The following MAGI2 variants were observed in gnomAD, a reference collection of about 807,000 sequenced individuals.
The protein encoded by MAGI2 is membrane-associated guanylate kinase, WW and PDZ domain-containing protein 2.
In MAGI2, 35 loss-of-function variants were observed where a neutral mutation model predicts 133.3. The ratio of observed to expected loss-of-function variants is 0.26; its 90% CI spans 0.20 to 0.35. MAGI2 has a LOEUF of 0.35. Ranked by LOEUF, MAGI2 falls within the 10% of genes least tolerant of loss-of-function variation. The pLI, the probability that MAGI2 is intolerant of heterozygous loss-of-function variation, is 1.00. For missense variants in MAGI2, 1,636 were observed against 1,863.4 expected (o/e 0.88, Z 2.25); for synonymous variants, 729 against 710.6 (o/e 1.03, Z -0.41).
chr7:79,273,451 T>C (rs571302166), intron 1 of MAGI2, among the ~76,000 whole-genome samples: 6 of 152,224 alleles, frequency 3.9e-5, no homozygotes, highest in South Asian at 4.1e-4. Context: ...AATAGAAGTA[T>C]ATAAAGTTTC....
In MAGI2 at chr7:78,489,796, T is replaced by C; in HGVS notation, c.1010A>G (p.Lys337Arg). ...TTSWLDPRLAKKAKPPEECKE... is the reference protein window; with the variant it reads ...TTSWLDPRLARKAKPPEECKE... ...GCACTCTTCTGGAGGTTTAGCCTTT[T>C]TCGCAAGTCGTGGATCCAGCCATGA... Residue 337 changes from lysine to arginine, a missense_variant, in exon 6 of 22, where the codon AAA (lysine) becomes AGA (arginine). Lys to Arg is a conservative substitution (Grantham distance 26, BLOSUM62 2). Coordinates refer to ENST00000354212, the MANE Select transcript of MAGI2 (RefSeq NM_012301.4). 1.9e-6 allele frequency: 3 copies of C among 1,613,112 alleles called. No individual in the cohort carries two copies. The highest frequency in any genetic ancestry group is 2.5e-6 in the Non-Finnish European group (3 of 1,179,352).
intron 9 of MAGI2, among the ~76,000 whole-genome samples, chr7:78,331,203 A>T (rs1789156225): frequency 6.6e-6 from 1 of 152,214 alleles, no homozygotes; most frequent in South Asian, 2.1e-4. Context: ...GACACTAGGG[A>T]CTACTAGAGT....
chr7:79,162,232 G>A (rs1304633288), intron 1 of MAGI2, among the ~76,000 whole-genome samples: 1 of 151,922 alleles, frequency 6.6e-6, no homozygotes, highest in Admixed American at 6.6e-5. Context: ...GTGGCCTAAC[G>A]GAATGGGTTC....
intron 2 of MAGI2, among the ~76,000 whole-genome samples, chr7:78,778,704 G>C (rs1040584506): frequency 6.6e-6 from 1 of 152,108 alleles, no homozygotes; most frequent in African/African-American, 2.4e-5. Context: ...CCTTAGTTTT[G>C]AATCAAATTC....
chr7:78,382,835 C>T (rs1450635841), intron 6 of MAGI2, among the ~76,000 whole-genome samples: 2 of 151,942 alleles, frequency 1.3e-5, no homozygotes, highest in South Asian at 2.1e-4. Flanking sequence ...TTTTTAGCTC[C>T]CACATATAAC....
At chr7:79,151,035 G>C (rs1406367889) in intron 1 of MAGI2, among the ~76,000 whole-genome samples, 1 of 151,706 alleles carries the variant, frequency 6.6e-6, no homozygotes, top group African/African-American at 2.4e-5. Context: ...GTTTTTCTGA[G>C]ATGACCAGGC....
chr7:78,742,169 G>A (rs1420589997), intron 2 of MAGI2, among the ~76,000 whole-genome samples: 1 of 151,916 alleles, frequency 6.6e-6, no homozygotes, highest in Non-Finnish European at 1.5e-5. Flanking sequence ...ATAAAAACAA[G>A]CCTTTTAATT....
intron 1 of MAGI2, among the ~76,000 whole-genome samples, chr7:79,355,100 A>G (rs1841935260): frequency 6.6e-6 from 1 of 152,166 alleles, no homozygotes; most frequent in Non-Finnish European, 1.5e-5. Flanking sequence ...AGTGCCTTCC[A>G]TACCTCTCAC....
rs138416604 is a variant in MAGI2 at position 79,291,104 on chromosome 7, A to C, written c.301+161916T>G. 5.8e-4 allele frequency among the ~76,000 whole-genome samples: 74 copies of C among 126,550 alleles called. 1 individual carries two copies. The highest frequency in any genetic ancestry group is 2.3e-3 in the African/African-American group (66 of 28,574). The allele number at this position is 126,550 out of a possible 152,430, so 83.0% of individuals were successfully genotyped here. Reference sequence around the variant, plus strand: ...TCCACTTTTCCAGTCCTTGGCAAATACTAATGTACTTTTTGTCTCTGTGGA... The same window carrying C: ...TCCACTTTTCCAGTCCTTGGCAAATCCTAATGTACTTTTTGTCTCTGTGGA... On this transcript the variant is annotated intron_variant, in intron 1 of 21. Transcript: ENST00000354212.
At chr7:78,819,416 A>T (rs1483703923) in intron 2 of MAGI2, among the ~76,000 whole-genome samples, 1 of 152,106 alleles carries the variant, frequency 6.6e-6, no homozygotes, top group Non-Finnish European at 1.5e-5. Flanking sequence ...AGGGCATGGA[A>T]TTTATATCTT....
chr7:78,997,248 C>T (rs1806396364), intron 2 of MAGI2, among the ~76,000 whole-genome samples: 1 of 152,070 alleles, frequency 6.6e-6, no homozygotes, highest in Non-Finnish European at 1.5e-5. Flanking sequence ...AAGATAACAG[C>T]TTAGAAGAGA....
chr7:78,809,142 C>G (rs1410952120), intron 2 of MAGI2, among the ~76,000 whole-genome samples: 1 of 152,138 alleles, frequency 6.6e-6, no homozygotes, highest in Non-Finnish European at 1.5e-5. Flanking sequence ...TATGGACTTG[C>G]AATATAACAC....
intron 1 of MAGI2, among the ~76,000 whole-genome samples, chr7:79,289,002 C>A (rs144433415): frequency 1.5e-3 from 235 of 152,238 alleles, no homozygotes; most frequent in African/African-American, 5.4e-3. Flanking sequence ...TTGGAGCCAA[C>A]TGAAACTGGA....
intron 1 of MAGI2, among the ~76,000 whole-genome samples, chr7:79,430,592 C>G (rs1399793638): frequency 6.6e-6 from 1 of 151,284 alleles, no homozygotes; most frequent in East Asian, 1.9e-4. Context: ...TCTGGGAGCA[C>G]CAAGCACGGA....
intron 2 of MAGI2, among the ~76,000 whole-genome samples, chr7:78,831,968 G>A (rs1332372658): frequency 2.0e-5 from 3 of 152,150 alleles, no homozygotes; most frequent in African/African-American, 4.8e-5. Context: ...TTGAATTGGT[G>A]ACATTTTTAG....
At chr7:79,104,196 C>T (rs1818244184) in intron 1 of MAGI2, among the ~76,000 whole-genome samples, 1 of 152,136 alleles carries the variant, frequency 6.6e-6, no homozygotes, top group Non-Finnish European at 1.5e-5. Flanking sequence ...CCCTGTCATA[C>T]TTAAGCCAAA....
chr7:78,761,905 C>A (rs1341585934), intron 2 of MAGI2, among the ~76,000 whole-genome samples: 1 of 151,984 alleles, frequency 6.6e-6, no homozygotes, highest in Non-Finnish European at 1.5e-5. Flanking sequence ...CTCCTCATTG[C>A]AATAGTGGCT....
At chr7:78,714,527 G>A (rs935765323) in intron 2 of MAGI2, among the ~76,000 whole-genome samples, 5 of 152,094 alleles carry the variant, frequency 3.3e-5, no homozygotes, top group Admixed American at 3.3e-4. Flanking sequence ...AGGCAACAAC[G>A]AGGCATTGGA....
intron 2 of MAGI2, among the ~76,000 whole-genome samples, chr7:78,931,065 A>G (rs1467296397): frequency 6.6e-6 from 1 of 152,112 alleles, no homozygotes; most frequent in Non-Finnish European, 1.5e-5. Flanking sequence ...AAGCAGTGAC[A>G]GATTAGTTGG....
Sources: gnomAD v4.1 joint callset for allele counts (sites outside exome capture counted in the v4.1 genomes callset) on GRCh38, gnomAD v4.1.1 for gene constraint, MANE v1.5 for transcripts, NCBI Gene and HGNC (gene_info 2026-07-23, HGNC 2026-07-21) for gene names.